SGMS1: variants seen among roughly 807,000 people sequenced by gnomAD.
SGMS1 encodes the protein phosphatidylcholine:ceramide cholinephosphotransferase 1.
Under a neutral mutation model 46.2 loss-of-function variants are expected in SGMS1, and 13 were observed. That is an observed-to-expected ratio of 0.28 (90% CI 0.18 to 0.45). SGMS1 has a LOEUF of 0.45. Among genes scored for constraint, SGMS1 ranks in the 20% least tolerant of loss-of-function variants. The probability of loss-of-function intolerance (pLI) is 1.00; values close to 1 mark genes in which losing one functional copy is unlikely to be tolerated. For synonymous variants in SGMS1, 203 were observed against 187.8 expected (o/e 1.08, Z -0.66); for missense variants, 324 against 519.9 (o/e 0.62, Z 3.66).
intron 6 of SGMS1, among the ~76,000 whole-genome samples, chr10:50,367,694 A>T (rs1238938241): frequency 2.0e-5 from 3 of 152,226 alleles, no homozygotes; most frequent in Non-Finnish European, 4.4e-5. Flanking sequence ...AATATCCATC[A>T]ATCAATTCAT....
At chr10:50,456,131 C>A (rs1186761728) in intron 5 of SGMS1, among the ~76,000 whole-genome samples, 1 of 152,114 alleles carries the variant, frequency 6.6e-6, no homozygotes, top group Non-Finnish European at 1.5e-5. Flanking sequence ...TCTTTTACAT[C>A]CACCCATAGG....
At chr10:50,441,532 A>G (rs1849546621) in intron 5 of SGMS1, among the ~76,000 whole-genome samples, 1 of 152,236 alleles carries the variant, frequency 6.6e-6, no homozygotes, top group East Asian at 1.9e-4. Flanking sequence ...AAAAAAGGAA[A>G]CCAAAACTCA....
rs564853958 is a variant in SGMS1, at chr10:50,571,242, T to C, written c.-589+18911A>G. On this transcript the variant is annotated intron_variant, in intron 2 of 10. Transcript: ENST00000361781. Reference sequence around the variant, plus strand: ...AGCAAACTTAAATAAGTAAAAAGATTAAGAAAATATATCTACATGAGGCTA... The same window carrying C: ...AGCAAACTTAAATAAGTAAAAAGATCAAGAAAATATATCTACATGAGGCTA... 1.4e-4 allele frequency among the ~76,000 whole-genome samples: 22 copies of C among 152,324 alleles called. 1 individual carries two copies. The South Asian group carries it at 4.6e-3, about 32-fold the overall frequency.
chr10:50,309,303 T>C (rs1367200484), intron 9 of SGMS1, among the ~76,000 whole-genome samples: 1 of 152,132 alleles, frequency 6.6e-6, no homozygotes, highest in African/African-American at 2.4e-5. Flanking sequence ...TCTATTAGTA[T>C]CCATATATGC....
chr10:50,623,087 GT>G (rs987412952), intron 1 of SGMS1, among the ~76,000 whole-genome samples: 9 of 152,066 alleles, frequency 5.9e-5, no homozygotes, highest in African/African-American at 2.2e-4. Context: ...CTGGCGGGCT[GT>G]TACGCGGCCT....
intron 6 of SGMS1, among the ~76,000 whole-genome samples, chr10:50,367,467 C>T (rs1242427551): frequency 1.3e-5 from 2 of 152,200 alleles, no homozygotes; most frequent in African/African-American, 2.4e-5. Flanking sequence ...GAGCATTCCT[C>T]GCCATGACAG....
upstream of SGMS1, chr10:50,624,494 G>A (rs1838895687): frequency 1.5e-6 from 1 of 683,882 alleles, no homozygotes. Flanking sequence ...TCCCACAACA[G>A]AAAAAAAAAG....
chr10:50,389,787 C>T (rs1848738081), intron 6 of SGMS1, among the ~76,000 whole-genome samples: 1 of 152,134 alleles, frequency 6.6e-6, no homozygotes, highest in African/African-American at 2.4e-5. Flanking sequence ...TCTCATTAGA[C>T]TTTCTATGAA....
intron 5 of SGMS1, among the ~76,000 whole-genome samples, chr10:50,446,940 G>A (rs1837025873): frequency 6.6e-6 from 1 of 152,134 alleles, no homozygotes; most frequent in Non-Finnish European, 1.5e-5. Flanking sequence ...TTATCTTGGG[G>A]AACAACTTCT....
At chr10:50,385,068 T>A (rs566167037) in intron 6 of SGMS1, among the ~76,000 whole-genome samples, 5 of 152,300 alleles carry the variant, frequency 3.3e-5, no homozygotes, top group South Asian at 2.1e-4. Flanking sequence ...GGTGCTAGTT[T>A]TTTTTTACCG....
At chr10:50,502,992 A>G (rs1479245186) in intron 3 of SGMS1, among the ~76,000 whole-genome samples, 1 of 152,256 alleles carries the variant, frequency 6.6e-6, no homozygotes, top group African/African-American at 2.4e-5. Context: ...GACCGATACA[A>G]AAAATGGCTG....
At chr10:50,494,807 C>T (rs1331322994) in intron 3 of SGMS1, among the ~76,000 whole-genome samples, 6 of 151,982 alleles carry the variant, frequency 3.9e-5, no homozygotes, top group Non-Finnish European at 7.4e-5. Flanking sequence ...GAGGCCGAGG[C>T]GGGCGGATCA....
intron 6 of SGMS1, among the ~76,000 whole-genome samples, chr10:50,372,732 T>C (rs1848460384): frequency 7.0e-6 from 1 of 141,986 alleles, no homozygotes. Flanking sequence ...GATTTTTACA[T>C]GGGAAAGTAT....
At chr10:50,338,474 G>T (rs1354554700) in intron 7 of SGMS1, among the ~76,000 whole-genome samples, 2 of 152,096 alleles carry the variant, frequency 1.3e-5, no homozygotes, top group African/African-American at 4.8e-5. Context: ...TTCAAACAAA[G>T]TTGGAGATTT....
intron 6 of SGMS1, among the ~76,000 whole-genome samples, chr10:50,416,728 GA>G: frequency 6.7e-6 from 1 of 149,998 alleles, no homozygotes; most frequent in Non-Finnish European, 1.5e-5. Flanking sequence ...CTATGAGCTT[GA>G]AAACAGTGTT....
intron 2 of SGMS1, among the ~76,000 whole-genome samples, chr10:50,560,395 ATATAT>A (rs1391679649): frequency 1.4e-4 from 19 of 138,738 alleles, no homozygotes; most frequent in Admixed American, 1.3e-3. Flanking sequence ...TAATATATGC[ATATAT>A]TATAATACAT....
chr10:50,313,475 C>T (rs964560905), intron 8 of SGMS1, among the ~76,000 whole-genome samples: 4 of 152,024 alleles, frequency 2.6e-5, no homozygotes, highest in African/African-American at 9.7e-5. Context: ...GGGGTCAGGA[C>T]CAGGAGACTA....
At chr10:50,455,430 A>G (rs961995229) in intron 5 of SGMS1, among the ~76,000 whole-genome samples, 1 of 152,206 alleles carries the variant, frequency 6.6e-6, no homozygotes, top group African/African-American at 2.4e-5. Context: ...GTCTTCATAC[A>G]TTGATACCCC....
At chr10:50,542,489 G>T (rs911049282) in intron 2 of SGMS1, among the ~76,000 whole-genome samples, 1 of 151,780 alleles carries the variant, frequency 6.6e-6, no homozygotes, top group African/African-American at 2.4e-5. Flanking sequence ...GCTTAGAGCA[G>T]AAAATATGTA....
Sources: allele counts gnomAD v4.1 joint callset (sites outside exome capture counted in the v4.1 genomes callset), GRCh38; gene constraint gnomAD v4.1.1; transcripts MANE v1.5; gene names NCBI Gene and HGNC (gene_info 2026-07-23, HGNC 2026-07-21).